Variants in ASPRV1 observed in about 807,000 individuals in gnomAD.
ASPRV1 encodes the protein retroviral-like aspartic protease 1.
Under a neutral mutation model 11.0 loss-of-function variants are expected in ASPRV1, and 7 were observed. The ratio of observed to expected loss-of-function variants is 0.64; its 90% CI spans 0.36 to 1.20. The LOEUF (loss-of-function observed/expected upper bound fraction) is 1.20. Ranked by LOEUF, ASPRV1 falls within the 50% of genes most tolerant of loss-of-function variation. The pLI, the probability that ASPRV1 is intolerant of heterozygous loss-of-function variation, is 0.02. For missense variants in ASPRV1, 299 were observed against 320.0 expected (o/e 0.93, Z 0.50); for synonymous variants, 136 against 138.4 (o/e 0.98, Z 0.12).
the ASPRV1 span, chr2:69,938,972 G>T: frequency 6.5e-6 from 1 of 152,676 alleles, no homozygotes; most frequent in East Asian, 1.9e-4. Flanking sequence ...AAACAAAACG[G>T]TACAATCTAT....
the ASPRV1 span, among the ~76,000 whole-genome samples, chr2:69,984,723 C>T: frequency 2.0e-5 from 3 of 148,018 alleles, no homozygotes; most frequent in African/African-American, 7.6e-5. Flanking sequence ...CAGGTTCAAG[C>T]GATTCTCCTG....
chr2:70,006,745 G>A, the ASPRV1 span, among the ~76,000 whole-genome samples: 4 of 152,172 alleles, frequency 2.6e-5, no homozygotes, highest in South Asian at 2.1e-4. Flanking sequence ...ATAAAAAGAA[G>A]CCCATTACCC....
At chr2:70,034,507 G>A in the ASPRV1 span, among the ~76,000 whole-genome samples, 1 of 151,472 alleles carries the variant, frequency 6.6e-6, no homozygotes, top group African/African-American at 2.4e-5. Context: ...GGAGGTGGAC[G>A]TTGCACTAAG....
At chr2:70,043,531 C>T in the ASPRV1 span, among the ~76,000 whole-genome samples, 1 of 152,202 alleles carries the variant, frequency 6.6e-6, no homozygotes, top group Non-Finnish European at 1.5e-5. Context: ...TGCACCTTTG[C>T]ATGGATACCC....
At chr2:70,022,346 AACACACACACACACTTACACAC>A in the ASPRV1 span, among the ~76,000 whole-genome samples, 17,942 of 138,418 alleles carry the variant, frequency 0.13, 1,562 homozygotes, top group African/African-American at 0.25. Context: ...TTCTTACCAA[AACACACACACACACTTACACAC>A]ACACACACAC....
chr2:69,986,391 G>C, the ASPRV1 span, among the ~76,000 whole-genome samples: 2 of 152,230 alleles, frequency 1.3e-5, no homozygotes, highest in Admixed American at 6.5e-5. Context: ...CGCTCAGAGA[G>C]ACACAAGTAT....
chr2:69,936,601 ATTAAACAATCTTC>A, the ASPRV1 span, among the ~76,000 whole-genome samples: 1 of 152,236 alleles, frequency 6.6e-6, no homozygotes, highest in African/African-American at 2.4e-5. Flanking sequence ...AACAGCTACA[ATTAAACAATCTTC>A]TTAATTATCT....
the ASPRV1 span, among the ~76,000 whole-genome samples, chr2:70,076,042 C>T: frequency 6.6e-6 from 1 of 152,156 alleles, no homozygotes; most frequent in Admixed American, 6.6e-5. Context: ...AATCCCTCAG[C>T]AGGAGAAGAA....
the ASPRV1 span, among the ~76,000 whole-genome samples, chr2:69,995,004 A>AAAAT: frequency 4.0e-5 from 6 of 151,740 alleles, no homozygotes; most frequent in East Asian, 2.0e-4. Context: ...TCCGTCTCAA[A>AAAAT]AAATAAATAA....
the ASPRV1 span, among the ~76,000 whole-genome samples, chr2:70,014,066 A>C: frequency 2.0e-5 from 3 of 152,180 alleles, no homozygotes; most frequent in East Asian, 5.8e-4. Context: ...GGTTGTCTAT[A>C]ATTTTTAAGA....
At chr2:69,979,113 C>A in the ASPRV1 span, among the ~76,000 whole-genome samples, 1 of 152,020 alleles carries the variant, frequency 6.6e-6, no homozygotes, top group South Asian at 2.1e-4. Context: ...CGGCTCACCG[C>A]AAGCTCCACC....
In ASPRV1 at chr2:69,961,178, C is replaced by T. The variant is rs1678084582; in HGVS notation, c.259G>A (p.Ala87Thr). 1.9e-6 allele frequency: 3 copies of T among 1,613,726 alleles called. No homozygotes were observed. The highest frequency in any genetic ancestry group is 2.7e-5 in the African/African-American group (2 of 75,020). The part of the protein sequence containing the change: ...YGTVKEALLK[A>T]FGVPGAAPSH... ...GGGGCAGCCCCAGGGACCCCAAAGG[C>T]CTTCAGGAGGGCCTCTTTCACAGTC... The change falls in exon 1 of 1, where the codon GCC (alanine) becomes ACC (threonine). Residue 87 changes from alanine (A) to threonine (T), a missense_variant. Physicochemically the swap from Ala to Thr is moderately conservative, Grantham distance 58. Coordinates refer to ENST00000320256, the MANE Select transcript of ASPRV1 (RefSeq NM_152792.4).
the ASPRV1 span, among the ~76,000 whole-genome samples, chr2:70,056,756 T>C: frequency 4.6e-5 from 7 of 150,818 alleles, no homozygotes; most frequent in Admixed American, 3.3e-4. Flanking sequence ...TTAGACAGAG[T>C]CTTGCTCTGT....
At chr2:70,081,099 C>G in the ASPRV1 span, 2 of 152,324 alleles carry the variant, frequency 1.3e-5, no homozygotes, top group East Asian at 3.9e-4. Flanking sequence ...TCTTACATTT[C>G]TCAGAGAACC....
chr2:70,022,803 C>A, the ASPRV1 span, among the ~76,000 whole-genome samples: 1 of 151,930 alleles, frequency 6.6e-6, no homozygotes, highest in Non-Finnish European at 1.5e-5. Context: ...GATGTATACT[C>A]ATCAAGACAC....
chr2:70,009,310 T>TATTATTTATTTA, the ASPRV1 span, among the ~76,000 whole-genome samples: 2 of 104,864 alleles, frequency 1.9e-5, no homozygotes, highest in African/African-American at 1.1e-4. Context: ...TAATTTATTG[T>TATTATTTATTTA]CTTATTTATT....
At chr2:70,025,162 A>C in the ASPRV1 span, among the ~76,000 whole-genome samples, 2 of 152,330 alleles carry the variant, frequency 1.3e-5, no homozygotes, top group South Asian at 4.1e-4. Flanking sequence ...CACTAGAAGC[A>C]CCATCATTAT....
upstream of ASPRV1, chr2:69,964,338 C>A (rs1238855805): frequency 8.8e-6 from 4 of 455,788 alleles, no homozygotes; most frequent in Non-Finnish European, 1.8e-5. Flanking sequence ...GGGACCTCCA[C>A]AACAGAAACA....
chr2:70,027,241 G>C, the ASPRV1 span, among the ~76,000 whole-genome samples: 4 of 116,030 alleles, frequency 3.4e-5, no homozygotes, highest in Non-Finnish European at 6.6e-5. Context: ...CTGGGCGACA[G>C]AGCAAGACCC....
Sources: allele counts gnomAD v4.1 joint callset (sites outside exome capture counted in the v4.1 genomes callset), GRCh38; gene constraint gnomAD v4.1.1; transcripts MANE v1.5; gene names NCBI Gene and HGNC (gene_info 2026-07-23, HGNC 2026-07-21).